PCSK2: variants seen among roughly 807,000 people sequenced by gnomAD.
PCSK2 encodes the protein proprotein convertase subtilisin/kexin type 2.
A neutral mutation model predicts 69.7 loss-of-function variants in PCSK2; 14 were observed. The ratio of observed to expected loss-of-function variants is 0.20; its 90% CI spans 0.13 to 0.31. PCSK2 has a LOEUF of 0.31. Among genes scored for constraint, PCSK2 ranks in the 10% least tolerant of loss-of-function variants. PCSK2 has a pLI of 1.00. For missense variants in PCSK2, 544 were observed against 842.5 expected, an observed-to-expected ratio of 0.65 and a Z score of 4.39; for synonymous variants, 307 against 320.7, an observed-to-expected ratio of 0.96 and a Z score of 0.46.
At chr20:17,315,218 T>C (rs1197084065) in intron 2 of PCSK2, among the ~76,000 whole-genome samples, 1 of 151,592 alleles carries the variant, frequency 6.6e-6, no homozygotes, top group Non-Finnish European at 1.5e-5. Flanking sequence ...ACTCTCTCAG[T>C]GTGGTGTGGT....
upstream of PCSK2, among the ~76,000 whole-genome samples, chr20:17,226,721 G>T (rs1985916796): frequency 6.6e-6 from 1 of 151,846 alleles, no homozygotes; most frequent in African/African-American, 2.4e-5. Context: ...ACAGCTGGGG[G>T]GATTTTCCTG....
chr20:17,384,485 C>T (rs1470570913), intron 5 of PCSK2, among the ~76,000 whole-genome samples: 1 of 151,258 alleles, frequency 6.6e-6, no homozygotes, highest in Non-Finnish European at 1.5e-5. Flanking sequence ...ACCTGTAATC[C>T]CAGCTACTTG....
intron 2 of PCSK2, among the ~76,000 whole-genome samples, chr20:17,322,540 A>G (rs943337334): frequency 6.6e-6 from 1 of 152,354 alleles, no homozygotes; most frequent in African/African-American, 2.4e-5. Flanking sequence ...TTGTGCTGCT[A>G]TAACAAAATG....
chr20:17,322,040 C>A (rs958802437), intron 2 of PCSK2, among the ~76,000 whole-genome samples: 3 of 151,876 alleles, frequency 2.0e-5, no homozygotes, highest in African/African-American at 7.3e-5. Context: ...TGGTTAAACA[C>A]CTCTAAATGC....
intron 2 of PCSK2, among the ~76,000 whole-genome samples, chr20:17,283,109 G>A (rs553679296): frequency 5.3e-5 from 8 of 152,030 alleles, no homozygotes; most frequent in African/African-American, 7.3e-5. Flanking sequence ...CAGGGAATCC[G>A]ATCACCTCAA....
rs911607902 is a variant in PCSK2 at position 17,407,349 on chromosome 20, T to C, written c.544-1914T>C. On this transcript the variant is annotated intron_variant, in intron 5 of 11. Coordinates refer to ENST00000262545, the MANE Select transcript of PCSK2 (RefSeq NM_002594.5). ...CCCACCTCACCTTAGGGAATTTTAA[T>C]TTTTTCTAAAGAGAAACAAACCAGA... Among the ~76,000 whole-genome samples the C allele has an allele frequency of 4.6e-5, 7 of 152,172 alleles. No homozygotes were observed. In the East Asian group the frequency reaches 1.4e-3, roughly 29 times the overall value.
intron 7 of PCSK2, among the ~76,000 whole-genome samples, chr20:17,430,275 C>T (rs761107695): frequency 6.6e-6 from 1 of 152,136 alleles, no homozygotes; most frequent in Non-Finnish European, 1.5e-5. Flanking sequence ...AAGCTTTCAA[C>T]GAGATGTCTG....
intron 2 of PCSK2, among the ~76,000 whole-genome samples, chr20:17,266,086 A>C (rs980392457): frequency 6.6e-6 from 1 of 152,250 alleles, no homozygotes; most frequent in African/African-American, 2.4e-5. Context: ...AAAGAAGTGA[A>C]GTTGCCTCCT....
intron 6 of PCSK2, among the ~76,000 whole-genome samples, chr20:17,411,216 A>G (rs939267540): frequency 4.6e-5 from 7 of 152,218 alleles, no homozygotes; most frequent in Admixed American, 3.3e-4. Flanking sequence ...TATCTGGTTC[A>G]TCTCATTGGG....
intron 5 of PCSK2, among the ~76,000 whole-genome samples, chr20:17,403,151 A>G (rs560718109): frequency 6.6e-5 from 10 of 152,216 alleles, no homozygotes; most frequent in Non-Finnish European, 1.3e-4. Flanking sequence ...CAATGGGAGA[A>G]CACTGTGTCA....
At chr20:17,267,698 G>A (rs192817114) in intron 2 of PCSK2, among the ~76,000 whole-genome samples, 1 of 152,230 alleles carries the variant, frequency 6.6e-6, no homozygotes, top group Admixed American at 6.5e-5. Flanking sequence ...GATGGGTACT[G>A]TTCGTGCTGT....
intron 2 of PCSK2, among the ~76,000 whole-genome samples, chr20:17,333,814 G>C (rs1990266019): frequency 6.6e-6 from 1 of 150,634 alleles, no homozygotes; most frequent in Admixed American, 6.7e-5. Context: ...GATTAAATAA[G>C]TGTAAAGGGC....
chr20:17,337,321 C>T (rs1190553875), intron 2 of PCSK2, among the ~76,000 whole-genome samples: 3 of 152,168 alleles, frequency 2.0e-5, no homozygotes, highest in Admixed American at 2.0e-4. Flanking sequence ...TTACTGCTTT[C>T]AACAGAATAT....
intron 7 of PCSK2, among the ~76,000 whole-genome samples, chr20:17,433,409 G>A (rs2032407585): frequency 6.6e-6 from 1 of 152,234 alleles, no homozygotes; most frequent in Non-Finnish European, 1.5e-5. Context: ...ATCATCCAGA[G>A]CTAATATTCA....
At chr20:17,246,315 A>G (rs1210653037) in intron 1 of PCSK2, among the ~76,000 whole-genome samples, 3 of 152,210 alleles carry the variant, frequency 2.0e-5, no homozygotes. Flanking sequence ...ATAAGCAAGA[A>G]CTATTTCCTT....
intron 1 of PCSK2, among the ~76,000 whole-genome samples, chr20:17,241,039 C>T (rs182641759): frequency 8.5e-5 from 13 of 152,238 alleles, no homozygotes; most frequent in African/African-American, 2.9e-4. Flanking sequence ...AGGATCAGTT[C>T]GCGCTGATTA....
chr20:17,426,956 C>T (rs965630751), intron 6 of PCSK2, among the ~76,000 whole-genome samples: 2 of 152,180 alleles, frequency 1.3e-5, no homozygotes, highest in Admixed American at 1.3e-4. Flanking sequence ...ATGAAATTAA[C>T]CGTTACAATT....
chr20:17,371,753 A>C (rs1219379290), intron 5 of PCSK2, among the ~76,000 whole-genome samples: 1 of 152,018 alleles, frequency 6.6e-6, no homozygotes, highest in Admixed American at 6.6e-5. Context: ...TATTCTCCAA[A>C]ACATAATTTT....
intron 8 of PCSK2, among the ~76,000 whole-genome samples, chr20:17,441,655 ACTC>A (rs1434635100): frequency 2.7e-5 from 4 of 150,692 alleles, no homozygotes; most frequent in African/African-American, 9.8e-5. Context: ...CTGTAGGGAA[ACTC>A]CCCTTTTTAA....
Sources: allele counts gnomAD v4.1 joint callset (sites outside exome capture counted in the v4.1 genomes callset), GRCh38; gene constraint gnomAD v4.1.1; transcripts MANE v1.5; gene names NCBI Gene and HGNC (gene_info 2026-07-23, HGNC 2026-07-21).